Variants in CUX1 observed in about 807,000 individuals in gnomAD.
The protein encoded by CUX1 is cut like homeobox 1, also known as protein CASP.
Under a neutral mutation model 158.8 loss-of-function variants are expected in CUX1, and 31 were observed. That is an observed-to-expected ratio of 0.20 (90% confidence interval 0.15 to 0.26). The LOEUF is 0.26. Among genes scored for constraint, CUX1 ranks in the 10% least tolerant of loss-of-function variants. The pLI is 1.00. For synonymous variants in CUX1, 879 were observed against 862.1 expected (o/e 1.02, Z -0.34); for missense variants, 1,589 against 2,014.6 (o/e 0.79, Z 4.04).
chr7:102,059,595 T>A lies in CUX1; in HGVS notation c.190-10744T>A, dbSNP rs554727078. On this transcript the variant is annotated intron_variant, in intron 3 of 23. Coordinates refer to ENST00000292535, the MANE Select transcript of CUX1 (RefSeq NM_181552.4). ...TGCAGTGAGCTGAGATCGTGCCACC[T>A]CACTCCAGCCTGAGTGACAGAGTGA... Among the ~76,000 whole-genome samples the A allele has an allele frequency of 3.6e-5, 5 of 139,436 alleles. No homozygotes were observed. The East Asian group carries it at 1.1e-3, about 30-fold the overall frequency. 91.5% of individuals were successfully genotyped at this position (139,436 alleles called of 152,430 possible).
intron 3 of CUX1, among the ~76,000 whole-genome samples, chr7:102,059,363 G>T (rs1398339157): frequency 6.6e-6 from 1 of 152,164 alleles, no homozygotes; most frequent in African/African-American, 2.4e-5. Context: ...ACCGGGTACA[G>T]TGGCTCACAC....
intron 3 of CUX1, among the ~76,000 whole-genome samples, chr7:102,040,351 TG>T (rs1392824714): frequency 1.3e-5 from 2 of 152,088 alleles, no homozygotes; most frequent in East Asian, 3.9e-4. Flanking sequence ...AGCAGGAAGA[TG>T]GGGGCAGTGA....
intron 8 of CUX1, among the ~76,000 whole-genome samples, chr7:102,136,675 C>T (rs1222977366): frequency 6.6e-6 from 1 of 152,218 alleles, no homozygotes; most frequent in Non-Finnish European, 1.5e-5. Context: ...AGACGTGAGC[C>T]ACCGTGCCCG....
At chr7:101,900,353 G>A (rs1452060336) in intron 1 of CUX1, among the ~76,000 whole-genome samples, 2 of 152,244 alleles carry the variant, frequency 1.3e-5, no homozygotes, top group Non-Finnish European at 2.9e-5. Flanking sequence ...GGAATCACTT[G>A]CGACGCCCGC....
At chr7:102,226,646 A>G (rs2132340158) in intron 20 of CUX1, among the ~76,000 whole-genome samples, 1 of 152,142 alleles carries the variant, frequency 6.6e-6, no homozygotes, top group East Asian at 1.9e-4. Flanking sequence ...CTTTTTTGAG[A>G]TGGAGTCTCA....
Position 102,123,646 on chromosome 7 carries a change from A to G in CUX1, c.674+8373A>G, listed in dbSNP as rs558806192. Among the ~76,000 whole-genome samples, 3 of 151,600 alleles carry G rather than the reference A, an allele frequency of 2.0e-5. No homozygotes were observed. The East Asian group carries it at 5.8e-4, about 29-fold the overall frequency. On this transcript the variant is annotated intron_variant, in intron 8 of 23. Transcript: ENST00000292535. ...AAAAAAATTATCATACAGTCTCTCA[A>G]CCAGTCCTACTGCTTTTTTTTATTT...
chr7:102,057,001 A>G (rs112037989), intron 3 of CUX1, among the ~76,000 whole-genome samples: 3 of 150,966 alleles, frequency 2.0e-5, no homozygotes, highest in African/African-American at 7.3e-5. Context: ...TCCTGGGTTC[A>G]AGTGATTCTC....
At chr7:101,827,253 C>G (rs541540474) in intron 1 of CUX1, among the ~76,000 whole-genome samples, 1 of 117,422 alleles carries the variant, frequency 8.5e-6, no homozygotes, top group East Asian at 2.2e-4. Flanking sequence ...TCCTTCTCTT[C>G]TCTTCTCTTC....
At chr7:102,260,170 T>A (rs1790284657), downstream of CUX1, among the ~76,000 whole-genome samples, 1 of 150,704 alleles carries the variant, frequency 6.6e-6, no homozygotes, top group African/African-American at 2.4e-5. Context: ...GATCTCAGTC[T>A]GTCACCACCT....
chr7:102,250,051 A>AG lies in CUX1; in HGVS notation c.*1010dup. On this transcript the variant is annotated 3_prime_UTR_variant, in exon 24 of 24. Coordinates refer to ENST00000292535, the MANE Select transcript of CUX1 (RefSeq NM_181552.4). ...TCTAGGCCAAATCAGGACAAAAAAAAGAAAAAAAAAGAAAAAAAAAAAAGA... is the reference window on the plus strand; with the variant it reads ...TCTAGGCCAAATCAGGACAAAAAAAAGGAAAAAAAAAGAAAAAAAAAAAAGA... 1.0e-6 allele frequency: 1 copy of AG among 977,574 alleles called. No homozygotes were observed. The highest frequency in any genetic ancestry group is 1.2e-6 in the Non-Finnish European group (1 of 825,330). 60.6% of individuals were successfully genotyped at this position (977,574 alleles called of 1,614,324 possible). A position where few individuals can be genotyped will look rare whatever the true frequency, so the allele number is the denominator to read the frequency against.
intron 9 of CUX1, among the ~76,000 whole-genome samples, chr7:102,163,696 T>G (rs1554507851): frequency 6.6e-6 from 1 of 152,056 alleles, no homozygotes; most frequent in Non-Finnish European, 1.5e-5. Context: ...GCTGAGGCCA[T>G]CCCTGCGGAG....
chr7:102,257,636 A>G lies in CUX1; in HGVS notation c.*8594A>G. On this transcript the variant is annotated 3_prime_UTR_variant, in exon 24 of 24. Transcript: ENST00000292535. ...CGGGTAGCACCACGCTCCTGTCCAG[A>G]CTACTAACAGCACAAGACGCACTCA... is the stretch of plus-strand genomic sequence containing the variant. 3 of 985,342 alleles carry G rather than the reference A, an allele frequency of 3.0e-6. No homozygotes were observed. The highest frequency in any genetic ancestry group is 3.6e-6 in the Non-Finnish European group (3 of 829,916). The allele number at this position is 985,342 out of a possible 1,614,324, so 61.0% of individuals were successfully genotyped here. A position where few individuals can be genotyped will look rare whatever the true frequency, so the allele number is the denominator to read the frequency against.
At chr7:102,166,808 C>T (rs782743713) in intron 9 of CUX1, among the ~76,000 whole-genome samples, 1 of 152,086 alleles carries the variant, frequency 6.6e-6, no homozygotes, top group Non-Finnish European at 1.5e-5. Context: ...TTTCGACGCC[C>T]TCAGGACAGA....
chr7:101,995,694 G>A (rs912830807), intron 2 of CUX1, among the ~76,000 whole-genome samples: 8 of 152,290 alleles, frequency 5.3e-5, no homozygotes, highest in Admixed American at 2.6e-4. Context: ...TCCAAACATC[G>A]GCTGGCCCAT....
chr7:102,030,790 T>C (rs1256058579), intron 3 of CUX1, among the ~76,000 whole-genome samples: 1 of 143,048 alleles, frequency 7.0e-6, no homozygotes, highest in Non-Finnish European at 1.5e-5. Flanking sequence ...GGCTCAGCAA[T>C]CTTCTTGCCT....
rs573419162 is a variant in CUX1 at position 102,239,504 on chromosome 7, G to A, written c.3807G>A (p.Pro1269=). 28 of 1,614,148 alleles carry A rather than the reference G, an allele frequency of 1.7e-5. No individual in the cohort carries two copies. Among genetic ancestry groups the A allele is most frequent in the African/African-American group, 1.5e-4 (11 of 75,044 alleles). The change falls in exon 23 of 24, where the codon CCG becomes CCA. Residue 1269 remains proline (P), a synonymous_variant. Coordinates refer to ENST00000292535, the MANE Select transcript of CUX1 (RefSeq NM_181552.4). Reference sequence around the variant, plus strand: ...GAGCGTATCAGCAAAAGCCATACCCGTCACCAAAAACCATCGAAGACCTCG... The same window carrying A: ...GAGCGTATCAGCAAAAGCCATACCCATCACCAAAAACCATCGAAGACCTCG... ...LKRAYQQKPY[P]SPKTIEDLAT...
At chr7:102,056,366 A>G (rs1824124575) in intron 3 of CUX1, among the ~76,000 whole-genome samples, 1 of 152,170 alleles carries the variant, frequency 6.6e-6, no homozygotes, top group Admixed American at 6.6e-5. Flanking sequence ...GACTCTCGTT[A>G]GGGGATAATG....
chr7:102,250,547 A>C lies in CUX1; in HGVS notation c.*1505A>C. The C allele has an allele frequency of 1.0e-6, 1 of 985,428 alleles. No homozygotes were observed. The highest frequency in any genetic ancestry group is 1.2e-6 in the Non-Finnish European group (1 of 829,954). 61.0% of individuals were successfully genotyped at this position (985,428 alleles called of 1,614,324 possible). On this transcript the variant is annotated 3_prime_UTR_variant, in exon 24 of 24. Transcript: ENST00000292535. ...AACTTCCTTTCTCTGCAGGAGAGAG[A>C]ACGTGGCATTCTGGGCTCCCCACTC...
chr7:101,931,608 C>T (rs998852152), intron 2 of CUX1, among the ~76,000 whole-genome samples: 4 of 152,162 alleles, frequency 2.6e-5, no homozygotes, highest in Non-Finnish European at 5.9e-5. Context: ...CTCTGTCGCC[C>T]AGGCTGGAGT....
Sources: gnomAD v4.1 joint callset for allele counts (sites outside exome capture counted in the v4.1 genomes callset) on GRCh38, gnomAD v4.1.1 for gene constraint, MANE v1.5 for transcripts, NCBI Gene and HGNC (gene_info 2026-07-23, HGNC 2026-07-21) for gene names.